NOTCH3: variants seen among roughly 807,000 people sequenced by gnomAD.
NOTCH3 encodes notch receptor 3.
A neutral mutation model predicts 213.3 loss-of-function variants in NOTCH3; 86 were observed. The observed-to-expected ratio is 0.40, with a 90% CI of 0.34 to 0.48. NOTCH3 has a LOEUF of 0.48. Among genes scored for constraint, NOTCH3 ranks in the 20% least tolerant of loss-of-function variants. NOTCH3 has a pLI of 0.57. For synonymous variants in NOTCH3, 1,354 were observed against 1,355.9 expected (o/e 1.00, Z 0.03); for missense variants, 2,783 against 3,272.6 (o/e 0.85, Z 3.65).
intron 28 of NOTCH3, among the ~76,000 whole-genome samples, chr19:15,168,924 T>C (rs558159823): frequency 1.6e-4 from 24 of 152,180 alleles, no homozygotes; most frequent in African/African-American, 5.3e-4. Flanking sequence ...AAGATAGGAC[T>C]TTATTTTTAG....
chr19:15,191,380 C>A, intron 6 of NOTCH3, 44 bp downstream of exon 6: 2 of 1,554,386 alleles, frequency 1.3e-6, no homozygotes, highest in Non-Finnish European at 1.8e-6. Flanking sequence ...TTTGCCCTCA[C>A]TAAAAACCAT....
chr19:15,179,072 T>C lies in NOTCH3; in HGVS notation c.3671A>G (p.Gln1224Arg). The C allele has an allele frequency of 6.2e-7, 1 of 1,614,210 alleles. No homozygotes were observed. Among genetic ancestry groups the C allele is most frequent in the East Asian group, 2.2e-5 (1 of 44,888 alleles). Residue 1224 changes from glutamine (Q) to arginine (R), a missense_variant, in exon 22 of 33, where the codon CAG becomes CGG. By Grantham distance (43) the Gln-to-Arg change is conservative. Around this residue, in one of 6 missense-constraint regions of NOTCH3, gnomAD observed 861 missense variants for 909.1 expected, o/e 0.95. Transcript: ENST00000263388. Reference sequence around the variant, plus strand: ...GCAACGGAAACCTCCGCCTGGGTCCTGCAGGCAGTCCCGGGTGTGTGCCGC... The same window carrying C: ...GCAACGGAAACCTCCGCCTGGGTCCCGCAGGCAGTCCCGGGTGTGTGCCGC... ...CHAAHTRDCL[Q>R]DPGGGFRCLC...
intron 18 of NOTCH3, 56 bp from the exon 19 acceptor site, chr19:15,180,884 A>T: frequency 6.2e-7 from 1 of 1,603,010 alleles, no homozygotes; most frequent in Non-Finnish European, 8.5e-7. Context: ...TCTGGGAGAA[A>T]CTGTGCCCCG....
In NOTCH3 at chr19:15,196,306, C is replaced by G. The variant is rs541414229; in HGVS notation, c.197+1194G>C. 3.9e-5 allele frequency among the ~76,000 whole-genome samples: 6 copies of G among 152,306 alleles called. No homozygotes were observed. The South Asian group carries it at 1.2e-3, about 32-fold the overall frequency. ...GCGCCCGGCCCCACCGCTCGCCCTC[C>G]CAGGTGTGTGGCTCCAGGTAAGGTC... On this transcript the variant is annotated intron_variant, in intron 2 of 32. Coordinates refer to ENST00000263388, the MANE Select transcript of NOTCH3 (RefSeq NM_000435.3).
At position 15,179,020 on chromosome 19, in the gene NOTCH3, C is replaced by CT. The variant is rs760310794; in HGVS notation, c.3718+4dup. The CT allele has an allele frequency of 5.0e-6, 8 of 1,614,230 alleles. No individual in the cohort carries two copies. Among genetic ancestry groups the CT allele is most frequent in the Non-Finnish European group, 6.8e-6 (8 of 1,180,050 alleles). The stretch of plus-strand genomic sequence containing the variant: ...TCCCAGGCCAGCCCCTTCGCCAACG[C>CT]TTACCTGAGAAGCCAGCATGACAAA... On this transcript the variant is annotated splice_donor_region_variant and intron_variant, in intron 22 of 32. Transcript: ENST00000263388.
Position 15,185,055 on chromosome 19 carries a change from C to A in NOTCH3, c.2297-36G>T. ...TGGAAGAGAGGGAAGCAGAGATAGC[C>A]TTGAGGGACTCCCTGATCCCATCTC... On this transcript the variant is annotated intron_variant, in intron 14 of 32. Coordinates refer to ENST00000263388, the MANE Select transcript of NOTCH3 (RefSeq NM_000435.3). This position sits in a 1 kb window ranked among gnomAD's most constrained non-coding sequence, Gnocchi z 4.2. The A allele has an allele frequency of 7.6e-7, 1 of 1,311,632 alleles. No individual in the cohort carries two copies. The highest frequency in any genetic ancestry group is 2.1e-4 in the Middle Eastern group (1 of 4,812). 81.2% of individuals were successfully genotyped at this position (1,311,632 alleles called of 1,614,324 possible). A position where few individuals can be genotyped will look rare whatever the true frequency, so the allele number is the denominator to read the frequency against.
chr19:15,197,441 G>GGGGCCCCCCCCCCCCCC, intron 2 of NOTCH3, 59 bp downstream of exon 2: 5 of 768,356 alleles, frequency 6.5e-6, no homozygotes, highest in East Asian at 2.7e-5. Flanking sequence ...AAGACAAATC[G>GGGGCCCCCCCCCCCCCC]CCCCTCCCCC....
intron 1 of NOTCH3, among the ~76,000 whole-genome samples, chr19:15,200,091 G>A (rs1241523460): frequency 6.6e-6 from 1 of 151,010 alleles, no homozygotes; most frequent in Non-Finnish European, 1.5e-5. Context: ...GGCTCTGGCC[G>A]CGGGGAGGGG....
chr19:15,184,348 T>C lies in NOTCH3; in HGVS notation c.2513A>G (p.His838Arg). The change falls in exon 16 of 33, where the codon CAT (histidine) becomes CGT (arginine). Residue 838 changes from histidine to arginine, a missense_variant. By Grantham distance (29) the His-to-Arg change is conservative. Transcript: ENST00000263388. ...NLAGSFSCTC[H>R]GGYTGPSCDQ... ...GCAGGAAGGGCCAGTGTACCCTCCA[T>C]GGCAGGTGCAGCTGAAACTCCCTGC... 1 of 1,613,922 alleles carries C rather than the reference T, an allele frequency of 6.2e-7. No homozygotes were observed.
In NOTCH3 at chr19:15,181,120, C is replaced by T. The variant is rs141346023; in HGVS notation, c.2835G>A (p.Ser945=). 1.5e-4 allele frequency: 240 copies of T among 1,608,770 alleles called. No individual in the cohort carries two copies. The African/African-American group carries it at 2.3e-3, about 15-fold the overall frequency. Residue 945 remains serine, a synonymous_variant, in exon 18 of 33, where the codon TCG becomes TCA. Coordinates refer to ENST00000263388, the MANE Select transcript of NOTCH3 (RefSeq NM_000435.3). Reference sequence around the variant, plus strand: ...AGCCGGGACGGCACAGGCAGCTGAACGAGTTCACGCCGTCCACACAGGTCC... The same window carrying T: ...AGCCGGGACGGCACAGGCAGCTGAATGAGTTCACGCCGTCCACACAGGTCC... ...NGGTCVDGVN[S]FSCLCRPGYT... is the part of the protein sequence containing the mutation.
rs76389447 is a variant in NOTCH3 at position 15,161,803 on chromosome 19, A to T, written c.5914-89T>A. Reference sequence around the variant, plus strand: ...CTCTTGGGGGAGCCCGAGAGCTATGAGTTTGTACACTGGAGCTTGACAGAC... The same window carrying T: ...CTCTTGGGGGAGCCCGAGAGCTATGTGTTTGTACACTGGAGCTTGACAGAC... On this transcript the variant is annotated intron_variant, in intron 32 of 32. Coordinates refer to ENST00000263388, the MANE Select transcript of NOTCH3 (RefSeq NM_000435.3). 4.5e-4 allele frequency: 522 copies of T among 1,160,608 alleles called. 5 individuals carry two copies. The highest frequency in any genetic ancestry group is 3.7e-3 in the South Asian group (255 of 69,308). 71.9% of individuals were successfully genotyped at this position (1,160,608 alleles called of 1,614,324 possible).
Position 15,165,258 on chromosome 19 carries a change from C to G in NOTCH3, c.5815+110G>C, listed in dbSNP as rs1039311002. 10 of 1,150,050 alleles carry G rather than the reference C, an allele frequency of 8.7e-6. No homozygotes were observed. The South Asian group carries it at 1.2e-4, about 14-fold the overall frequency. The allele number at this position is 1,150,050 out of a possible 1,614,324, so 71.2% of individuals were successfully genotyped here. A position where few individuals can be genotyped will look rare whatever the true frequency, so the allele number is the denominator to read the frequency against. On this transcript the variant is annotated intron_variant, in intron 31 of 32. Coordinates refer to ENST00000263388, the MANE Select transcript of NOTCH3 (RefSeq NM_000435.3). This position sits in a 1 kb window ranked among gnomAD's most constrained non-coding sequence, Gnocchi z 4.7. Reference sequence around the variant, plus strand: ...GCTTCATGAAGCCTGGTTATGTGTGCGTGAGCTTCAGTGATTGGGTCTCAA... The same window carrying G: ...GCTTCATGAAGCCTGGTTATGTGTGGGTGAGCTTCAGTGATTGGGTCTCAA...
In NOTCH3 at chr19:15,185,485, A is replaced by C. The variant is rs1324519646; in HGVS notation, c.2144+2T>G. 6.2e-7 allele frequency: 1 copy of C among 1,612,562 alleles called. No homozygotes were observed. The highest frequency in any genetic ancestry group is 8.5e-7 in the Non-Finnish European group (1 of 1,179,518). ...GTGTCTGAGGCTGAGAAGGGCCCTC[A>C]CCCGCCAGGTGCATCATAGCAGATG... On this transcript the variant is annotated splice_donor_variant, in intron 13 of 32. Coordinates refer to ENST00000263388, the MANE Select transcript of NOTCH3 (RefSeq NM_000435.3). LOFTEE classifies it high-confidence loss of function. The surrounding 1 kb of genome is among the most constrained non-coding windows in gnomAD (Gnocchi z 4.2).
chr19:15,172,142 C>T (rs1336754718), intron 25 of NOTCH3, among the ~76,000 whole-genome samples: 2 of 152,068 alleles, frequency 1.3e-5, no homozygotes, highest in African/African-American at 4.8e-5. Context: ...GTGATCCACC[C>T]GCCTCAACCT....
chr19:15,170,624 G>GCC, intron 26 of NOTCH3, 47 bp downstream of exon 26: 26 of 1,546,304 alleles, frequency 1.7e-5, no homozygotes, highest in Non-Finnish European at 2.3e-5. Flanking sequence ...GGCTTCGGCC[G>GCC]CCCCCAGCTC....
At chr19:15,170,044 A>C in intron 28 of NOTCH3, 42 bp downstream of exon 28, 1 of 1,127,840 alleles carries the variant, frequency 8.9e-7, no homozygotes, top group Non-Finnish European at 1.3e-6. Flanking sequence ...CCCTGAGGGG[A>C]GGGGTCAGAG....
chr19:15,169,208 C>G lies in NOTCH3; in HGVS notation c.5199+878G>C, dbSNP rs1051757453. ...TCTGTCTCTCTCTCTCTCTCTCTCT[C>G]TCTCTCTCTCTCTCTCTCTCTCCCC... On this transcript the variant is annotated intron_variant, in intron 28 of 32. Coordinates refer to ENST00000263388, the MANE Select transcript of NOTCH3 (RefSeq NM_000435.3). 4.7e-5 allele frequency among the ~76,000 whole-genome samples: 7 copies of G among 147,458 alleles called. 1 individual carries two copies. Among genetic ancestry groups the G allele is most frequent in the Admixed American group, 4.7e-4 (7 of 14,832 alleles).
intron 16 of NOTCH3, among the ~76,000 whole-genome samples, chr19:15,183,729 C>G (rs889961247): frequency 6.6e-6 from 1 of 152,042 alleles, no homozygotes; most frequent in African/African-American, 2.4e-5. Flanking sequence ...ATACTTTGCA[C>G]ATGATATTAA....
rs558864862 is a variant in NOTCH3, at chr19:15,161,334, C to T, written c.6294G>A (p.Thr2098=). 1.7e-5 allele frequency: 26 copies of T among 1,525,066 alleles called. No homozygotes were observed. The highest frequency in any genetic ancestry group is 3.8e-4 in the Middle Eastern group (2 of 5,238). The allele number at this position is 1,525,066 out of a possible 1,614,324, so 94.5% of individuals were successfully genotyped here. A position where few individuals can be genotyped will look rare whatever the true frequency, so the allele number is the denominator to read the frequency against. ...CPGPLADSSV[T]LSPVDSLDSP... ...AGTCCAGCGAGTCCACGGGCGACAGCGTGACCGAGCTGTCAGCCAGGGGGC... is the reference window on the plus strand; with the variant it reads ...AGTCCAGCGAGTCCACGGGCGACAGTGTGACCGAGCTGTCAGCCAGGGGGC... The change falls in exon 33 of 33, where the codon ACG becomes ACA. Residue 2098 remains threonine (T), a synonymous_variant. Transcript: ENST00000263388.
Sources: gnomAD v4.1 joint callset for allele counts (sites outside exome capture counted in the v4.1 genomes callset) on GRCh38, gnomAD v4.1.1 for gene constraint, gnomAD v4.1.1 regional missense constraint, Gnocchi (gnomAD v3.1) non-coding constraint, MANE v1.5 for transcripts, NCBI Gene and HGNC (gene_info 2026-07-23, HGNC 2026-07-21) for gene names.